Variants in CCDC181 observed in about 807,000 individuals in gnomAD.
CCDC181 encodes the protein coiled-coil domain containing 181, also known as coiled-coil domain-containing protein 181.
Under a neutral mutation model 58.7 loss-of-function variants are expected in CCDC181, and 35 were observed. The ratio of observed to expected loss-of-function variants is 0.60; its 90% CI spans 0.46 to 0.79. The LOEUF (loss-of-function observed/expected upper bound fraction) is 0.79, where lower values mean the gene tolerates loss of function less well. Ranked by LOEUF, CCDC181 falls within the 30% of genes least tolerant of loss-of-function variation. CCDC181 has a pLI of 0.00. For missense variants in CCDC181, 517 were observed against 583.9 expected (o/e 0.89, Z 1.18); for synonymous variants, 183 against 197.5 (o/e 0.93, Z 0.62).
chr1:169,439,056 C>T (rs1046834525), intron 2 of CCDC181, among the ~76,000 whole-genome samples: 2 of 152,060 alleles, frequency 1.3e-5, no homozygotes, highest in South Asian at 2.1e-4. Flanking sequence ...TGAGACCCCC[C>T]CAGGAGCTGA....
Position 169,397,331 on chromosome 1 carries a change from G to C in CCDC181, c.1276C>G (p.Gln426Glu), listed in dbSNP as rs1655104745. Residue 426 changes from glutamine to glutamate, a missense_variant, in exon 5 of 6, where the codon CAG becomes GAG. Coordinates refer to ENST00000367806, the MANE Select transcript of CCDC181 (RefSeq NM_001300969.2). ...TCTTCTGTCTGTCTTTCTTTCATCT[G>C]CTCTTCGTGCTTTTTTTTAAGCCAT... is the stretch of plus-strand genomic sequence containing the variant. Reference protein sequence around the residue: ...RLWLKKKHEEQMKERQTEELR... With the variant: ...RLWLKKKHEEEMKERQTEELR... 1.8e-5 allele frequency: 29 copies of C among 1,610,598 alleles called. No homozygotes were observed. The highest frequency in any genetic ancestry group is 2.5e-5 in the Non-Finnish European group (29 of 1,178,516).
intron 4 of CCDC181, among the ~76,000 whole-genome samples, chr1:169,406,385 T>C (rs751666517): frequency 6.6e-6 from 1 of 152,034 alleles, no homozygotes; most frequent in African/African-American, 2.4e-5. Context: ...TAGCAAAGAC[T>C]CGGAACCAAC....
intron 2 of CCDC181, among the ~76,000 whole-genome samples, chr1:169,455,922 A>G (rs1196296988): frequency 6.6e-6 from 1 of 152,134 alleles, no homozygotes; most frequent in East Asian, 1.9e-4. Flanking sequence ...TAATAAAAAT[A>G]TTTATCCAGA....
chr1:169,427,841 A>C (rs1032974413), upstream of CCDC181, among the ~76,000 whole-genome samples: 3 of 152,192 alleles, frequency 2.0e-5, no homozygotes, highest in African/African-American at 7.2e-5. Flanking sequence ...ATCAAAACCA[A>C]AACTTTACCC....
In CCDC181 at chr1:169,395,099, T is replaced by C. The variant is rs200811493; in HGVS notation, c.1478A>G (p.His493Arg). 247 of 1,613,436 alleles carry C rather than the reference T, an allele frequency of 1.5e-4. 1 individual carries two copies. The South Asian group carries it at 2.2e-3, about 14-fold the overall frequency. Residue 493 changes from histidine (H) to arginine (R), a missense_variant, in exon 6 of 6, where the codon CAC (histidine) becomes CGC (arginine). Transcript: ENST00000367806. ...AGGTTTGGCTTCTGACATATATAGG[T>C]GGTGCTGTAACTGTTTAGAACGCTT... is the stretch of plus-strand genomic sequence containing the variant. The part of the protein sequence containing the change: ...EAKRSKQLQH[H>R]LYMSEAKPFR...
chr1:169,442,549 G>A (rs967612033), intron 2 of CCDC181: 44 of 152,064 alleles, frequency 2.9e-4, no homozygotes, highest in African/African-American at 9.4e-4. Context: ...GAGGTGAGAT[G>A]TTTTAAGTAG....
intron 2 of CCDC181, among the ~76,000 whole-genome samples, chr1:169,453,046 G>A (rs1657585405): frequency 6.6e-6 from 1 of 150,922 alleles, no homozygotes; most frequent in African/African-American, 2.4e-5. Context: ...CATAATCAAT[G>A]TGAAGCAAAA....
chr1:169,414,484 C>T (rs1656125646), intron 4 of CCDC181, among the ~76,000 whole-genome samples: 1 of 152,126 alleles, frequency 6.6e-6, no homozygotes, highest in Non-Finnish European at 1.5e-5. Flanking sequence ...GACATTAATA[C>T]AGCACTACAT....
chr1:169,410,868 A>C (rs927210787), intron 4 of CCDC181, among the ~76,000 whole-genome samples: 2 of 152,198 alleles, frequency 1.3e-5, no homozygotes, highest in Non-Finnish European at 2.9e-5. Flanking sequence ...AATGTACCAG[A>C]TCTCTAGGAT....
In CCDC181 at chr1:169,422,283, G is replaced by A; in HGVS notation, c.148C>T (p.Gln50Ter). The A allele has an allele frequency of 2.5e-6, 4 of 1,572,740 alleles. No individual in the cohort carries two copies. In the South Asian group the frequency reaches 3.5e-5, roughly 14 times the overall value. The change falls in exon 3 of 6, where the codon CAA becomes TAA. Residue 50 changes from glutamine to a stop codon, truncating the protein, a stop_gained. Coordinates refer to ENST00000367806, the MANE Select transcript of CCDC181 (RefSeq NM_001300969.2). LOFTEE classifies it high-confidence loss of function. Reference protein sequence around the residue: ...MACEKEENINQDLKENETVME... With the variant: ...MACEKEENIN Reference sequence around the variant, plus strand: ...ACTGTCTCATTCTCTTTTAAGTCTTGGTTAATATTCTCTTCCTTCTCACAA... The same window carrying A: ...ACTGTCTCATTCTCTTTTAAGTCTTAGTTAATATTCTCTTCCTTCTCACAA...
At chr1:169,438,649 G>T (rs1192015083) in intron 2 of CCDC181, among the ~76,000 whole-genome samples, 1 of 152,166 alleles carries the variant, frequency 6.6e-6, no homozygotes, top group Non-Finnish European at 1.5e-5. Context: ...GTTGGTCCCT[G>T]TTGTCTTTGA....
chr1:169,422,660 C>A (rs972632108), intron 2 of CCDC181, among the ~76,000 whole-genome samples: 1 of 152,000 alleles, frequency 6.6e-6, no homozygotes, highest in African/African-American at 2.4e-5. Flanking sequence ...TTCAGAAAAA[C>A]AATTTTCAAA....
At chr1:169,404,545 A>T (rs1175420569) in intron 4 of CCDC181, among the ~76,000 whole-genome samples, 1 of 152,242 alleles carries the variant, frequency 6.6e-6, no homozygotes, top group Non-Finnish European at 1.5e-5. Context: ...TCTAAACAGA[A>T]CCAAAGACAA....
chr1:169,447,096 T>C (rs1460582615), intron 2 of CCDC181, among the ~76,000 whole-genome samples: 1 of 152,120 alleles, frequency 6.6e-6, no homozygotes, highest in East Asian at 1.9e-4. Flanking sequence ...GTGTAATCTC[T>C]ATACTCTTAA....
intron 4 of CCDC181, among the ~76,000 whole-genome samples, chr1:169,405,090 T>A (rs1655576924): frequency 6.6e-6 from 1 of 152,136 alleles, no homozygotes; most frequent in African/African-American, 2.4e-5. Flanking sequence ...TACCTAGGAA[T>A]CCAACTTACA....
chr1:169,405,696 T>C (rs1655609629), intron 4 of CCDC181, among the ~76,000 whole-genome samples: 1 of 152,092 alleles, frequency 6.6e-6, no homozygotes, highest in African/African-American at 2.4e-5. Flanking sequence ...CCTAAAACCA[T>C]AAAAACCCTA....
chr1:169,423,419 C>G (rs1452955578), intron 2 of CCDC181, among the ~76,000 whole-genome samples: 1 of 98,854 alleles, frequency 1.0e-5, no homozygotes, highest in Non-Finnish European at 2.1e-5. Flanking sequence ...TTTCTGAACT[C>G]TCCTTTAGCT....
Position 169,422,166 on chromosome 1 carries a change from T to A in CCDC181, c.265A>T (p.Ile89Phe). The change falls in exon 3 of 6, where the codon ATT becomes TTT. Residue 89 changes from isoleucine to phenylalanine, a missense_variant. Physicochemically the swap from Ile to Phe is conservative, Grantham distance 21 (BLOSUM62 0). Transcript: ENST00000367806. ...TCTGATATGGGATCCAAAGGTTGAATACCTGGTACAGAAATGATGTCATTT... is the reference window on the plus strand; with the variant it reads ...TCTGATATGGGATCCAAAGGTTGAAAACCTGGTACAGAAATGATGTCATTT... ...RRNDIISVPG[I>F]QPLDPISDSD... The A allele has an allele frequency of 6.2e-7, 1 of 1,613,872 alleles. No individual in the cohort carries two copies.
At chr1:169,401,213 C>T (rs1387623363) in intron 4 of CCDC181, among the ~76,000 whole-genome samples, 1 of 152,234 alleles carries the variant, frequency 6.6e-6, no homozygotes, top group African/African-American at 2.4e-5. Context: ...GTAGACTCTA[C>T]CTCTGGGGGC....
Sources: allele counts gnomAD v4.1 joint callset (sites outside exome capture counted in the v4.1 genomes callset), GRCh38; gene constraint gnomAD v4.1.1; transcripts MANE v1.5; gene names NCBI Gene and HGNC (gene_info 2026-07-23, HGNC 2026-07-21).